The following SDCCAG8 variants were observed in gnomAD, a reference collection of about 807,000 sequenced individuals.
The protein encoded by SDCCAG8 is serologically defined colon cancer antigen 8.
Under a neutral mutation model 101.8 loss-of-function variants are expected in SDCCAG8, and 74 were observed. The ratio of observed to expected loss-of-function variants is 0.73; its 90% CI spans 0.60 to 0.88. SDCCAG8 has a LOEUF of 0.88. Ranked by LOEUF, SDCCAG8 falls within the 40% of genes least tolerant of loss-of-function variation. The pLI is 0.00. For missense variants in SDCCAG8, 787 were observed against 822.6 expected, an observed-to-expected ratio of 0.96 and a Z score of 0.53; for synonymous variants, 281 against 292.9, an observed-to-expected ratio of 0.96 and a Z score of 0.41.
At chr1:243,473,919 C>CGGGGGGGGGGG (rs1460893006) in intron 16 of SDCCAG8, among the ~76,000 whole-genome samples, 2 of 3,440 alleles carry the variant, frequency 5.8e-4, no homozygotes, top group African/African-American at 9.7e-4. Flanking sequence ...GGAGAGTTGC[C>CGGGGGGGGGGG]GGCGGGGGGG....
chr1:243,311,102 A>G (rs2072676520), intron 8 of SDCCAG8, among the ~76,000 whole-genome samples: 1 of 152,218 alleles, frequency 6.6e-6, no homozygotes, highest in African/African-American at 2.4e-5. Context: ...AAGTACATGC[A>G]TAATGGGGTA....
chr1:243,474,803 G>A lies in SDCCAG8; in HGVS notation c.1986-14211G>A, dbSNP rs527787430. Among the ~76,000 whole-genome samples the A allele has an allele frequency of 2.0e-5, 3 of 152,348 alleles. No homozygotes were observed. Among genetic ancestry groups the A allele is most frequent in the Non-Finnish European group, 2.9e-5 (2 of 68,020 alleles). On this transcript the variant is annotated intron_variant, in intron 16 of 17. Coordinates refer to ENST00000366541, the MANE Select transcript of SDCCAG8 (RefSeq NM_006642.5). The surrounding 1 kb of genome is among the most constrained non-coding windows in gnomAD (Gnocchi z 4.7). ...ACTGGTTGAGTAAGGGAGGAGGCTC[G>A]TCCTGAACGTGCACAGCCGCTCCTA...
intron 16 of SDCCAG8, among the ~76,000 whole-genome samples, chr1:243,487,004 G>A (rs1349129913): frequency 6.6e-6 from 1 of 152,224 alleles, no homozygotes; most frequent in Admixed American, 6.5e-5. Context: ...CCACCTTAGG[G>A]TTCCAGAGCT....
chr1:243,386,836 C>G (rs369274983), intron 13 of SDCCAG8, among the ~76,000 whole-genome samples: 19 of 152,222 alleles, frequency 1.2e-4, no homozygotes, highest in African/African-American at 4.1e-4. Context: ...ATGCATGACA[C>G]GTGACGGTGA....
intron 8 of SDCCAG8, among the ~76,000 whole-genome samples, chr1:243,310,433 G>C (rs2072612421): frequency 6.6e-6 from 1 of 152,090 alleles, no homozygotes; most frequent in Non-Finnish European, 1.5e-5. Context: ...TTGGGGTTCA[G>C]AGAAGTTAAA....
chr1:243,485,425 A>G (rs1664588582), intron 16 of SDCCAG8, among the ~76,000 whole-genome samples: 2 of 152,328 alleles, frequency 1.3e-5, no homozygotes, highest in South Asian at 2.1e-4. Flanking sequence ...CTGTGGGTGG[A>G]TGAAGAGGTG....
At chr1:243,417,894 C>T in intron 14 of SDCCAG8, 74 bp from the exon 15 acceptor site, 1 of 1,067,622 alleles carries the variant, frequency 9.4e-7, no homozygotes, top group South Asian at 1.3e-5. Context: ...CACTTTACCA[C>T]TCTATGTATG....
At chr1:243,326,517 G>C (rs1158753926) in intron 9 of SDCCAG8, among the ~76,000 whole-genome samples, 4 of 152,192 alleles carry the variant, frequency 2.6e-5, no homozygotes, top group African/African-American at 9.6e-5. Context: ...TGTCCCAAAA[G>C]AAGTGTAAAT....
Position 243,440,323 on chromosome 1 carries a change from AG to A in SDCCAG8, c.1985+13767del, listed in dbSNP as rs2082450689. Among the ~76,000 whole-genome samples, 9 of 152,258 alleles carry A rather than the reference AG, an allele frequency of 5.9e-5. No homozygotes were observed. In the South Asian group the frequency reaches 1.9e-3, roughly 32 times the overall value. On this transcript the variant is annotated intron_variant, in intron 16 of 17. Coordinates refer to ENST00000366541, the MANE Select transcript of SDCCAG8 (RefSeq NM_006642.5). ...TATATCATTATTAAATTAAAAAAAA[AG>A]GAAAAGAAAAACATTAACTAGCAGG...
chr1:243,499,205 C>T (rs1355671976), intron 17 of SDCCAG8, among the ~76,000 whole-genome samples: 1 of 152,214 alleles, frequency 6.6e-6, no homozygotes, highest in African/African-American at 2.4e-5. Flanking sequence ...TAAGAGACCT[C>T]AGTACACCCA....
At chr1:243,342,314 T>C (rs550487325) in intron 11 of SDCCAG8, among the ~76,000 whole-genome samples, 42 of 152,344 alleles carry the variant, frequency 2.8e-4, no homozygotes, top group African/African-American at 9.9e-4. Context: ...AAAGGACATA[T>C]ACATCAGAAG....
At chr1:243,400,197 G>A (rs1422927847) in intron 13 of SDCCAG8, among the ~76,000 whole-genome samples, 3 of 152,158 alleles carry the variant, frequency 2.0e-5, no homozygotes, top group Non-Finnish European at 4.4e-5. Flanking sequence ...ATATGTTAGT[G>A]CACACTGTGA....
intron 4 of SDCCAG8, among the ~76,000 whole-genome samples, chr1:243,285,965 A>C (rs900451507): frequency 5.3e-5 from 8 of 152,208 alleles, no homozygotes; most frequent in Admixed American, 5.2e-4. Flanking sequence ...TCCATTCTTT[A>C]AAATCTCTTG....
At chr1:243,357,532 C>G (rs1054146424) in intron 12 of SDCCAG8, among the ~76,000 whole-genome samples, 1 of 152,136 alleles carries the variant, frequency 6.6e-6, no homozygotes, top group Non-Finnish European at 1.5e-5. Context: ...TAACTTAGTC[C>G]ACCTCCTCCA....
intron 13 of SDCCAG8, among the ~76,000 whole-genome samples, chr1:243,414,982 C>T (rs1333763719): frequency 6.6e-6 from 1 of 151,986 alleles, no homozygotes; most frequent in Non-Finnish European, 1.5e-5. Flanking sequence ...CTCTTTGGAG[C>T]CACTGTGCTT....
chr1:243,298,294 G>A (rs990682926), intron 6 of SDCCAG8, among the ~76,000 whole-genome samples: 9 of 141,978 alleles, frequency 6.3e-5, no homozygotes, highest in Admixed American at 4.3e-4. Context: ...CAGGCAATCC[G>A]CCCGCTTTGG....
At chr1:243,316,916 A>T (rs766944780) in intron 9 of SDCCAG8, 23 bp downstream of exon 9, 2 of 1,611,230 alleles carry the variant, frequency 1.2e-6, no homozygotes, top group Non-Finnish European at 1.7e-6. Flanking sequence ...AGATGCAAAT[A>T]AAAGTGTCTT....
At chr1:243,372,037 T>G (rs1299328776) in intron 12 of SDCCAG8, among the ~76,000 whole-genome samples, 2 of 152,150 alleles carry the variant, frequency 1.3e-5, no homozygotes, top group African/African-American at 4.8e-5. Context: ...AAGTATGAAC[T>G]AGTAAATACT....
chr1:243,318,085 GA>G (rs1331867284), intron 9 of SDCCAG8: 4 of 456,394 alleles, frequency 8.8e-6, no homozygotes, highest in Non-Finnish European at 1.8e-5. Context: ...GGAATCAACC[GA>G]AATTGACGGA....
Sources: gnomAD v4.1 joint callset for allele counts (sites outside exome capture counted in the v4.1 genomes callset) on GRCh38, gnomAD v4.1.1 for gene constraint, Gnocchi (gnomAD v3.1) non-coding constraint, MANE v1.5 for transcripts, NCBI Gene and HGNC (gene_info 2026-07-23, HGNC 2026-07-21) for gene names.